Variants in LDB2 observed in about 807,000 individuals in gnomAD.
LDB2 encodes LIM domain-binding protein 2.
In LDB2, 12 loss-of-function variants were observed where a neutral mutation model predicts 44.3. The ratio of observed to expected loss-of-function variants is 0.27; its 90% CI spans 0.17 to 0.44. The LOEUF is 0.44. Among genes scored for constraint, LDB2 ranks in the 20% least tolerant of loss-of-function variants. LDB2 has a pLI of 1.00. For missense variants in LDB2, 344 were observed against 473.5 expected (o/e 0.73, Z 2.54); for synonymous variants, 164 against 174.8 (o/e 0.94, Z 0.49).
At chr4:16,511,629 C>T (rs951470202) in intron 6 of LDB2, among the ~76,000 whole-genome samples, 3 of 151,946 alleles carry the variant, frequency 2.0e-5, no homozygotes, top group Non-Finnish European at 4.4e-5. Context: ...AACATTAGGC[C>T]GTGAGAAGCC....
chr4:16,700,607 A>C (rs1320110033), intron 2 of LDB2, among the ~76,000 whole-genome samples: 1 of 152,158 alleles, frequency 6.6e-6, no homozygotes, highest in Non-Finnish European at 1.5e-5. Flanking sequence ...CTGGGCTTGA[A>C]TTGAATCAAG....
chr4:16,583,203 G>A (rs1163370616), intron 5 of LDB2, among the ~76,000 whole-genome samples: 1 of 152,190 alleles, frequency 6.6e-6, no homozygotes, highest in African/African-American at 2.4e-5. Context: ...AAGCTAGATG[G>A]CTGTAATTGC....
intron 1 of LDB2, among the ~76,000 whole-genome samples, chr4:16,893,800 A>T (rs936469763): frequency 1.3e-5 from 2 of 151,820 alleles, no homozygotes; most frequent in East Asian, 3.9e-4. Flanking sequence ...TTTTTTTTTT[A>T]AATTAGCATG....
rs373231653 is a variant in LDB2 at position 16,873,035 on chromosome 4, A to G, written c.132+25319T>C. The stretch of plus-strand genomic sequence containing the variant: ...ATGCTCACCATCTAATGGGGGTTCA[A>G]AAAGGCCAAGTGGCAGGGTGGTAAA... On this transcript the variant is annotated intron_variant, in intron 1 of 7. Transcript: ENST00000304523. Among the ~76,000 whole-genome samples the G allele has an allele frequency of 5.3e-5, 8 of 152,298 alleles. No homozygotes were observed. The South Asian group carries it at 1.7e-3, about 32-fold the overall frequency.
At chr4:16,808,325 C>G (rs1779166353) in intron 1 of LDB2, among the ~76,000 whole-genome samples, 1 of 152,126 alleles carries the variant, frequency 6.6e-6, no homozygotes, top group South Asian at 2.1e-4. Flanking sequence ...ACAGACATGG[C>G]TGTTCAGCAG....
chr4:16,740,634 A>G (rs1372518447), intron 2 of LDB2, among the ~76,000 whole-genome samples: 1 of 152,236 alleles, frequency 6.6e-6, no homozygotes, highest in Non-Finnish European at 1.5e-5. Context: ...CTTCTGGGAC[A>G]TAACCACTTA....
intron 1 of LDB2, among the ~76,000 whole-genome samples, chr4:16,864,541 T>G (rs28431897): frequency 0.37 from 55,785 of 151,810 alleles, 11,367 homozygotes; most frequent in East Asian, 0.69. Flanking sequence ...ACCCCCAGAG[T>G]ATTAATTAAA....
chr4:16,716,804 C>T (rs933406073), intron 2 of LDB2, among the ~76,000 whole-genome samples: 1 of 151,996 alleles, frequency 6.6e-6, no homozygotes, highest in South Asian at 2.1e-4. Context: ...AAACATGGCA[C>T]TTGTCCCATT....
chr4:16,885,923 T>A (rs753610407), intron 1 of LDB2, among the ~76,000 whole-genome samples: 3 of 152,168 alleles, frequency 2.0e-5, no homozygotes, highest in African/African-American at 7.2e-5. Context: ...GAGATAAAAT[T>A]GATTGTTAAG....
Position 16,674,393 on chromosome 4 carries a change from C to T in LDB2, c.236-78518G>A, listed in dbSNP as rs1407309155. On this transcript the variant is annotated intron_variant, in intron 2 of 7. Transcript: ENST00000304523. ...GTTGCCCTGGAGGCGGTGTTAGAAG[C>T]AGGGACCCCAGCTCTCTCAGTGATA... 3 of 563,674 alleles carry T rather than the reference C, an allele frequency of 5.3e-6. No homozygotes were observed. The African/African-American group carries it at 5.8e-5, about 11-fold the overall frequency. 34.9% of individuals were successfully genotyped at this position (563,674 alleles called of 1,614,324 possible). A position where few individuals can be genotyped will look rare whatever the true frequency, so the allele number is the denominator to read the frequency against.
intron 1 of LDB2, among the ~76,000 whole-genome samples, chr4:16,896,119 C>A (rs1228451244): frequency 2.6e-5 from 4 of 151,986 alleles, no homozygotes; most frequent in African/African-American, 9.7e-5. Context: ...TAGGACACAC[C>A]AGAAAACAGT....
Position 16,755,907 on chromosome 4 carries a change from C to T in LDB2, c.235+3251G>A, listed in dbSNP as rs189795631. On this transcript the variant is annotated intron_variant, in intron 2 of 7. Coordinates refer to ENST00000304523, the MANE Select transcript of LDB2 (RefSeq NM_001290.5). ...TCTAATAACCTGGCCCATCCTGAAGCTCTCCCCACCAATTACCACCTGTTC... is the reference window on the plus strand; with the variant it reads ...TCTAATAACCTGGCCCATCCTGAAGTTCTCCCCACCAATTACCACCTGTTC... Among the ~76,000 whole-genome samples the T allele has an allele frequency of 2.9e-3, 449 of 152,250 alleles. 1 individual carries two copies. The highest frequency in any genetic ancestry group is 0.01 in the African/African-American group (421 of 41,522).
At chr4:16,579,317 T>C (rs1057418208) in intron 5 of LDB2, among the ~76,000 whole-genome samples, 63 of 152,164 alleles carry the variant, frequency 4.1e-4, no homozygotes, top group African/African-American at 1.4e-3. Flanking sequence ...CTATGTACCC[T>C]GAAAATTTTA....
intron 6 of LDB2, among the ~76,000 whole-genome samples, chr4:16,509,032 A>G (rs1318903016): frequency 6.6e-6 from 1 of 152,170 alleles, no homozygotes; most frequent in Non-Finnish European, 1.5e-5. Flanking sequence ...AAAATTTGGG[A>G]AACTTTTTTC....
chr4:16,740,527 C>T (rs1763028409), intron 2 of LDB2, among the ~76,000 whole-genome samples: 1 of 152,216 alleles, frequency 6.6e-6, no homozygotes, highest in South Asian at 2.1e-4. Context: ...CTTCCTGCTG[C>T]TAAAAGCAGC....
intron 1 of LDB2, among the ~76,000 whole-genome samples, chr4:16,805,761 T>C (rs1778667521): frequency 6.6e-6 from 1 of 152,120 alleles, no homozygotes; most frequent in Non-Finnish European, 1.5e-5. Flanking sequence ...TCAACTAGAG[T>C]AGGAAAAACC....
chr4:16,591,158 AATT>A (rs2152432969), intron 3 of LDB2, among the ~76,000 whole-genome samples: 1 of 152,344 alleles, frequency 6.6e-6, no homozygotes, highest in African/African-American at 2.4e-5. Flanking sequence ...GTGTTTAAAA[AATT>A]ATCTAATATA....
intron 2 of LDB2, among the ~76,000 whole-genome samples, chr4:16,709,174 A>G (rs1436659712): frequency 1.3e-5 from 2 of 152,224 alleles, no homozygotes; most frequent in Non-Finnish European, 2.9e-5. Flanking sequence ...TGAATAAGTT[A>G]AATTTTAAAA....
chr4:16,725,912 A>G (rs1408200362), intron 2 of LDB2, among the ~76,000 whole-genome samples: 1 of 148,294 alleles, frequency 6.7e-6, no homozygotes, highest in Admixed American at 6.8e-5. Flanking sequence ...TTATGTATAT[A>G]TATGTATACA....
Sources: allele counts gnomAD v4.1 joint callset (sites outside exome capture counted in the v4.1 genomes callset), GRCh38; gene constraint gnomAD v4.1.1; transcripts MANE v1.5; gene names NCBI Gene and HGNC (gene_info 2026-07-23, HGNC 2026-07-21).